The following NEK10 variants were observed in gnomAD, a reference collection of about 807,000 sequenced individuals.
The protein encoded by NEK10 is NIMA related kinase 10.
In NEK10, 122 loss-of-function variants were observed where a neutral mutation model predicts 159.8. The ratio of observed to expected loss-of-function variants is 0.76; its 90% CI spans 0.66 to 0.89. The LOEUF (loss-of-function observed/expected upper bound fraction) is 0.89. NEK10 is among the 40% of genes least tolerant of loss of function. The probability of loss-of-function intolerance (pLI) is 0.00; values close to 1 mark genes in which losing one functional copy is unlikely to be tolerated. For synonymous variants in NEK10, 466 were observed against 457.1 expected (o/e 1.02, Z -0.25); for missense variants, 1,342 against 1,323.1 (o/e 1.01, Z -0.22).
intron 13 of NEK10, among the ~76,000 whole-genome samples, chr3:27,297,616 G>T (rs1441273025): frequency 6.6e-6 from 1 of 152,190 alleles, no homozygotes; most frequent in African/African-American, 2.4e-5. Context: ...ATAAAAGAAT[G>T]CTTTAAATAT....
chr3:27,320,359 C>T (rs1271945465), intron 6 of NEK10, among the ~76,000 whole-genome samples: 1 of 152,176 alleles, frequency 6.6e-6, no homozygotes, highest in Non-Finnish European at 1.5e-5. Flanking sequence ...ATCTCTAGGA[C>T]AAATATTTGC....
rs1325596570 is a variant in NEK10 at position 27,323,272 on chromosome 3, G to C, written c.363-1011C>G. On this transcript the variant is annotated intron_variant, in intron 5 of 35. Transcript: ENST00000691995. ...TGTCCCATACTGAGGCAAGGGCACT[G>C]GGCTTTTCTACACTACTGAAGCTGT... is the stretch of plus-strand genomic sequence containing the variant. 7.2e-5 allele frequency among the ~76,000 whole-genome samples: 11 copies of C among 152,170 alleles called. No homozygotes were observed. The South Asian group carries it at 2.3e-3, about 32-fold the overall frequency.
intron 32 of NEK10, among the ~76,000 whole-genome samples, chr3:27,123,200 T>C (rs1312874417): frequency 6.6e-6 from 1 of 152,074 alleles, no homozygotes; most frequent in Non-Finnish European, 1.5e-5. Context: ...AGGATAATAA[T>C]GAGCAAAAAT....
chr3:27,260,751 G>A (rs1358126730), intron 22 of NEK10, among the ~76,000 whole-genome samples: 1 of 152,186 alleles, frequency 6.6e-6, no homozygotes, highest in Non-Finnish European at 1.5e-5. Flanking sequence ...AGTTAGGAAG[G>A]ATTCCCTCTT....
intron 31 of NEK10, among the ~76,000 whole-genome samples, chr3:27,139,780 G>A (rs955391672): frequency 6.6e-6 from 1 of 152,144 alleles, no homozygotes; most frequent in Non-Finnish European, 1.5e-5. Context: ...TCAGAGAGAC[G>A]GGCTCATTGG....
At chr3:27,125,683 G>A (rs1003823361) in intron 32 of NEK10, among the ~76,000 whole-genome samples, 6 of 152,190 alleles carry the variant, frequency 3.9e-5, no homozygotes, top group Middle Eastern at 3.4e-3. Context: ...ACATATGCAT[G>A]TGGACCCATA....
chr3:27,174,975 A>G (rs1043767689), intron 26 of NEK10, 142 bp from the exon 27 acceptor site: 5 of 636,724 alleles, frequency 7.9e-6, no homozygotes, highest in African/African-American at 7.5e-5. Flanking sequence ...AGTTCCACCT[A>G]TACACCTGTT....
In NEK10 at chr3:27,198,296, CA is replaced by C. The variant is rs1435807977; in HGVS notation, c.2291+3213del. ...AAAGGATTTTAAATTTACATGGAACCAAAAGAGCAACTGAATAGCCAAGACA... is the reference window on the plus strand; with the variant it reads ...AAAGGATTTTAAATTTACATGGAACCAAAGAGCAACTGAATAGCCAAGACA... On this transcript the variant is annotated intron_variant, in intron 25 of 35. Coordinates refer to ENST00000691995, the MANE Select transcript of NEK10 (RefSeq NM_001394966.1). Among the ~76,000 whole-genome samples, 3 of 124,330 alleles carry C rather than the reference CA, an allele frequency of 2.4e-5. No individual in the cohort carries two copies. The East Asian group carries it at 7.4e-4, about 31-fold the overall frequency. The allele number at this position is 124,330 out of a possible 152,430, so 81.6% of individuals were successfully genotyped here.
At chr3:27,141,833 G>C (rs1166126917) in intron 30 of NEK10, among the ~76,000 whole-genome samples, 1 of 152,090 alleles carries the variant, frequency 6.6e-6, no homozygotes, top group Non-Finnish European at 1.5e-5. Context: ...CTTATCACTT[G>C]GATATTTTGC....
chr3:27,130,833 C>T (rs1942534580), intron 32 of NEK10, among the ~76,000 whole-genome samples: 1 of 152,154 alleles, frequency 6.6e-6, no homozygotes, highest in Non-Finnish European at 1.5e-5. Context: ...CTTTGATCTC[C>T]TTCAGCTTTG....
At chr3:27,287,671 A>G (rs764345984) in intron 20 of NEK10, 27 bp downstream of exon 20, 7 of 1,555,250 alleles carry the variant, frequency 4.5e-6, no homozygotes, top group Non-Finnish European at 6.0e-6. Context: ...TTCCTTATTT[A>G]GAAATATCAT....
intron 23 of NEK10, among the ~76,000 whole-genome samples, chr3:27,243,375 G>A (rs563441635): frequency 1.7e-4 from 26 of 152,030 alleles, no homozygotes; most frequent in African/African-American, 5.6e-4. Context: ...ATGTAGCCCT[G>A]CAAAATAATG....
At chr3:27,319,010 G>A (rs182901421) in intron 6 of NEK10, among the ~76,000 whole-genome samples, 7 of 152,300 alleles carry the variant, frequency 4.6e-5, no homozygotes, top group Admixed American at 4.6e-4. Context: ...ATAAATGCTA[G>A]AGGTTCTCAG....
At chr3:27,185,478 G>A (rs113580339) in intron 26 of NEK10, among the ~76,000 whole-genome samples, 1,749 of 152,266 alleles carry the variant, frequency 0.011, 10 homozygotes, top group South Asian at 0.021. Flanking sequence ...TCTCCAAAGT[G>A]GAGCTGAGGC....
At chr3:27,256,798 T>A (rs1192696751) in intron 22 of NEK10, among the ~76,000 whole-genome samples, 1 of 152,128 alleles carries the variant, frequency 6.6e-6, no homozygotes, top group African/African-American at 2.4e-5. Flanking sequence ...CTCAAAATAT[T>A]TATATATCAA....
intron 22 of NEK10, among the ~76,000 whole-genome samples, chr3:27,281,948 A>G (rs1417737604): frequency 6.6e-6 from 1 of 152,234 alleles, no homozygotes; most frequent in Non-Finnish European, 1.5e-5. Flanking sequence ...AATAGGTACA[A>G]AGAAAACTGG....
rs751285054 is a variant in NEK10 at position 27,109,197 on chromosome 3, G to A, written c.*2075C>T. Among the ~76,000 whole-genome samples, 46 of 152,162 alleles carry A rather than the reference G, an allele frequency of 3.0e-4. No homozygotes were observed. Among genetic ancestry groups the A allele is most frequent in the Non-Finnish European group, 6.0e-4 (41 of 67,994 alleles). On this transcript the variant is annotated 3_prime_UTR_variant, in exon 36 of 36. Transcript: ENST00000691995. ...AGTTTGAGACCAGCCTGGCCAACAT[G>A]GTGTAACCCCATCTCTACTAAAAAC... is the stretch of plus-strand genomic sequence containing the variant.
intron 3 of NEK10, 60 bp downstream of exon 3, chr3:27,352,405 C>T: frequency 1.9e-6 from 2 of 1,038,594 alleles, no homozygotes; most frequent in South Asian, 2.5e-5. Flanking sequence ...TTAAATGGAG[C>T]CCTTTGGAAA....
intron 29 of NEK10, among the ~76,000 whole-genome samples, chr3:27,164,750 T>C (rs1342837772): frequency 6.6e-6 from 1 of 152,160 alleles, no homozygotes; most frequent in African/African-American, 2.4e-5. Context: ...CTGCAATACC[T>C]CCTGAATCCC....
Sources: gnomAD v4.1 joint callset for allele counts (sites outside exome capture counted in the v4.1 genomes callset) on GRCh38, gnomAD v4.1.1 for gene constraint, MANE v1.5 for transcripts, NCBI Gene and HGNC (gene_info 2026-07-23, HGNC 2026-07-21) for gene names.